The following PCDHGA6 variants were observed in gnomAD, a reference collection of about 807,000 sequenced individuals.
PCDHGA6 encodes the protein protocadherin gamma-A6.
In PCDHGA6, 41 loss-of-function variants were observed where a neutral mutation model predicts 60.6. The observed-to-expected ratio is 0.68, with a 90% CI of 0.53 to 0.88. The LOEUF is 0.88. Ranked by LOEUF, PCDHGA6 falls within the 40% of genes least tolerant of loss-of-function variation. The probability of loss-of-function intolerance (pLI) is 0.00; values close to 1 mark genes in which losing one functional copy is unlikely to be tolerated. For missense variants in PCDHGA6, 1,312 were observed against 1,203.0 expected, an observed-to-expected ratio of 1.09 and a Z score of -1.34; for synonymous variants, 594 against 524.4, an observed-to-expected ratio of 1.13 and a Z score of -1.81.
At chr5:141,419,004 T>C in intron 1 of PCDHGA6, 1 of 1,613,886 alleles carries the variant, frequency 6.2e-7, no homozygotes, top group Non-Finnish European at 8.5e-7. Context: ...AATGGGGAAG[T>C]CAGGTGTAGC....
intron 1 of PCDHGA6, chr5:141,404,633 G>C: frequency 6.2e-7 from 1 of 1,614,170 alleles, no homozygotes; most frequent in Non-Finnish European, 8.5e-7. Flanking sequence ...CAATGCCCCA[G>C]AAATCCTGTA....
At position 141,379,889 on chromosome 5, in the gene PCDHGA6, CTTTTTTTTTTTTTT is replaced by C. The variant is rs70988800; in HGVS notation, c.2424+3399_2424+3412del. Among the ~76,000 whole-genome samples, 12 of 50,834 alleles carry C rather than the reference CTTTTTTTTTTTTTT, an allele frequency of 2.4e-4. 1 individual carries two copies. In the South Asian group the frequency reaches 3.7e-3, roughly 16 times the overall value. The allele number at this position is 50,834 out of a possible 152,430, so 33.3% of individuals were successfully genotyped here. Reference sequence around the variant, plus strand: ...CTTATTTTATGGTCTGTGAAAGCCTCTTTTTTTTTTTTTTTTTTTTTTTTTTTTTTGTCAGAGTC... The same window carrying C: ...CTTATTTTATGGTCTGTGAAAGCCTCTTTTTTTTTTTTTTTTGTCAGAGTC... On this transcript the variant is annotated intron_variant, in intron 1 of 3. Coordinates refer to ENST00000517434, the MANE Select transcript of PCDHGA6 (RefSeq NM_018919.3).
intron 1 of PCDHGA6, among the ~76,000 whole-genome samples, chr5:141,380,075 C>T (rs1776189722): frequency 6.6e-6 from 1 of 151,480 alleles, no homozygotes; most frequent in African/African-American, 2.4e-5. Flanking sequence ...AATTTTCATA[C>T]TTTTAGTAGA....
At chr5:141,393,589 C>T (rs1050679940) in intron 1 of PCDHGA6, 2 of 1,613,920 alleles carry the variant, frequency 1.2e-6, no homozygotes, top group Non-Finnish European at 1.7e-6. Flanking sequence ...CCCCCAGGCA[C>T]GCGGCTGCTT....
At chr5:141,423,091 G>C (rs1243671863) in intron 1 of PCDHGA6, 11 of 1,613,908 alleles carry the variant, frequency 6.8e-6, no homozygotes, top group South Asian at 2.2e-5. Context: ...CGCGGTGGGG[G>C]AGCACACGGG....
At position 141,431,192 on chromosome 5, in the gene PCDHGA6, A is replaced by T. The variant is rs769745353; in HGVS notation, c.2424+54685A>T. 8.7e-6 allele frequency: 14 copies of T among 1,614,042 alleles called. No homozygotes were observed. Among genetic ancestry groups the T allele is most frequent in the African/African-American group, 2.7e-5 (2 of 74,912 alleles). On this transcript the variant is annotated intron_variant, in intron 1 of 3. Coordinates refer to ENST00000517434, the MANE Select transcript of PCDHGA6 (RefSeq NM_018919.3). This position sits in a 1 kb window ranked among gnomAD's most constrained non-coding sequence, Gnocchi z 4.8. ...TGAATTAGAAATAAAAATTAGTGAA[A>T]ATGCAGCCACTGAGATGCGGTTCCC...
intron 1 of PCDHGA6, chr5:141,394,113 A>G: frequency 6.2e-7 from 1 of 1,613,950 alleles, no homozygotes; most frequent in Non-Finnish European, 8.5e-7. Flanking sequence ...ACCTCTGTCC[A>G]CTGAAACTCA....
chr5:141,433,837 C>CAAAAAA (rs56191208), intron 1 of PCDHGA6, among the ~76,000 whole-genome samples: 2 of 111,692 alleles, frequency 1.8e-5, no homozygotes, highest in Non-Finnish European at 3.9e-5. Context: ...AACTCTATCT[C>CAAAAAA]AAAAAAAAAA....
chr5:141,450,107 A>G (rs1228532939), intron 1 of PCDHGA6, among the ~76,000 whole-genome samples: 3 of 150,976 alleles, frequency 2.0e-5, no homozygotes, highest in Non-Finnish European at 4.4e-5. Flanking sequence ...CCCAGGTTCA[A>G]ATGATTCTCC....
At chr5:141,422,862 C>T in intron 1 of PCDHGA6, 1 of 1,614,270 alleles carries the variant, frequency 6.2e-7, no homozygotes, top group Non-Finnish European at 8.5e-7. Flanking sequence ...CCCTCAGCAG[C>T]AACGTGTCGC....
chr5:141,399,623 C>G, intron 1 of PCDHGA6: 2 of 1,613,920 alleles, frequency 1.2e-6, no homozygotes, highest in Non-Finnish European at 1.7e-6. Context: ...GCACTGGCCT[C>G]TTACGTGTCC....
At chr5:141,419,781 G>A in intron 1 of PCDHGA6, 1 of 1,614,032 alleles carries the variant, frequency 6.2e-7, no homozygotes, top group Non-Finnish European at 8.5e-7. Flanking sequence ...GTCCGCCAGC[G>A]CCTGCTAGTC....
At chr5:141,509,782 C>A (rs2099878218) in intron 3 of PCDHGA6, among the ~76,000 whole-genome samples, 1 of 152,144 alleles carries the variant, frequency 6.6e-6, no homozygotes, top group Admixed American at 6.5e-5. Context: ...TCCCCGAGAT[C>A]ATCATCTCCT....
chr5:141,447,854 G>A (rs1480134238), intron 1 of PCDHGA6, among the ~76,000 whole-genome samples: 1 of 152,200 alleles, frequency 6.6e-6, no homozygotes, highest in Non-Finnish European at 1.5e-5. Flanking sequence ...GGGAGGCCGA[G>A]GTGGGTGAAT....
chr5:141,478,445 G>C (rs773567457), intron 1 of PCDHGA6: 1 of 1,613,570 alleles, frequency 6.2e-7, no homozygotes, highest in Non-Finnish European at 8.5e-7. Flanking sequence ...GAAGAAACCT[G>C]GTGCAGCCAG....
intron 1 of PCDHGA6, chr5:141,393,121 T>C: frequency 6.2e-7 from 1 of 1,613,428 alleles, no homozygotes; most frequent in Non-Finnish European, 8.5e-7. Context: ...CCGCGGTGTC[T>C]GATAAATATT....
intron 1 of PCDHGA6, among the ~76,000 whole-genome samples, chr5:141,401,168 C>T (rs2094123018): frequency 1.3e-5 from 2 of 152,142 alleles, no homozygotes; most frequent in Non-Finnish European, 2.9e-5. Flanking sequence ...ATGGTGAAAA[C>T]CCGTCTCTAC....
rs116140192 is a variant in PCDHGA6, at chr5:141,497,400, A to C, written c.2483+2535A>C. Among the ~76,000 whole-genome samples, 87 of 152,110 alleles carry C rather than the reference A, an allele frequency of 5.7e-4. 1 individual carries two copies. Among genetic ancestry groups the C allele is most frequent in the African/African-American group, 2.0e-3 (82 of 41,484 alleles). ...GGGGTGAGCACCTTACCCCTGCCTCAACTCCCATTCCATCAAATGAGAGGC... is the reference window on the plus strand; with the variant it reads ...GGGGTGAGCACCTTACCCCTGCCTCCACTCCCATTCCATCAAATGAGAGGC... On this transcript the variant is annotated intron_variant, in intron 2 of 3. Coordinates refer to ENST00000517434, the MANE Select transcript of PCDHGA6 (RefSeq NM_018919.3).
At chr5:141,410,037 G>T (rs760397726) in intron 1 of PCDHGA6, 2 of 1,613,250 alleles carry the variant, frequency 1.2e-6, no homozygotes, top group South Asian at 2.2e-5. Flanking sequence ...CTGCAGGCCA[G>T]TGAGCCCGGA....
Sources: allele counts gnomAD v4.1 joint callset (sites outside exome capture counted in the v4.1 genomes callset), GRCh38; gene constraint gnomAD v4.1.1; non-coding constraint Gnocchi (gnomAD v3.1); transcripts MANE v1.5; gene names NCBI Gene and HGNC (gene_info 2026-07-23, HGNC 2026-07-21).